Variants in GDAP1 observed in about 807,000 individuals in gnomAD.
GDAP1 encodes the protein ganglioside-induced differentiation-associated protein 1.
A neutral mutation model predicts 40.1 loss-of-function variants in GDAP1; 34 were observed. The ratio of observed to expected loss-of-function variants is 0.85; its 90% CI spans 0.64 to 1.13. The LOEUF (loss-of-function observed/expected upper bound fraction) is 1.13. GDAP1 is among the 50% of genes most tolerant of loss of function. The probability of loss-of-function intolerance (pLI) is 0.00; values close to 1 mark genes in which losing one functional copy is unlikely to be tolerated. For missense variants in GDAP1, 374 were observed against 433.7 expected (o/e 0.86, Z 1.22); for synonymous variants, 170 against 157.4 (o/e 1.08, Z -0.60).
intron 2 of GDAP1, among the ~76,000 whole-genome samples, chr8:74,428,864 C>G (rs758608619): frequency 7.0e-6 from 1 of 143,354 alleles, no homozygotes; most frequent in Admixed American, 7.0e-5. Flanking sequence ...CCCTCCCCGC[C>G]TCCCCCGACC....
intron 2 of GDAP1, among the ~76,000 whole-genome samples, chr8:74,401,491 G>C (rs2131549148): frequency 6.7e-6 from 1 of 149,718 alleles, no homozygotes; most frequent in South Asian, 2.1e-4. Context: ...CTTTGCCTTT[G>C]GTTTGAATTT....
intron 1 of GDAP1, 104 bp from the exon 2 acceptor site, chr8:74,351,170 G>T (rs1424953949): frequency 1.0e-5 from 9 of 876,224 alleles, no homozygotes; most frequent in Non-Finnish European, 1.8e-5. Context: ...TGTTGAAAAT[G>T]TCGGTAACAC....
intron 2 of GDAP1, among the ~76,000 whole-genome samples, chr8:74,432,541 C>T (rs1236115481): frequency 6.6e-6 from 1 of 152,138 alleles, no homozygotes. Flanking sequence ...ACGTTCCACT[C>T]TGCCTGTATC....
intron 2 of GDAP1, among the ~76,000 whole-genome samples, chr8:74,437,948 G>A (rs995388100): frequency 2.6e-5 from 4 of 152,130 alleles, no homozygotes; most frequent in African/African-American, 9.7e-5. Context: ...CCACATGTAT[G>A]AGAATTTCAC....
chr8:74,379,215 A>C (rs369742776), intron 2 of GDAP1, among the ~76,000 whole-genome samples: 7 of 150,756 alleles, frequency 4.6e-5, no homozygotes, highest in African/African-American at 1.7e-4. Flanking sequence ...TGGAACCCTC[A>C]TATGAATTTC....
chr8:74,447,129 G>A (rs767007640), intron 2 of GDAP1, among the ~76,000 whole-genome samples: 2 of 152,008 alleles, frequency 1.3e-5, no homozygotes, highest in South Asian at 2.1e-4. Flanking sequence ...GTGAATTCAG[G>A]TATAAATTAA....
exon 3 of GDAP1, chr8:74,488,812 C>T (rs180918693): frequency 3.2e-4 from 48 of 152,264 alleles, no homozygotes; most frequent in African/African-American, 9.6e-4. Context: ...GGGTTTATTT[C>T]AGCAAACCCA....
At chr8:74,396,844 G>A (rs1226530903) in intron 2 of GDAP1, among the ~76,000 whole-genome samples, 7 of 152,210 alleles carry the variant, frequency 4.6e-5, no homozygotes, top group Non-Finnish European at 1.0e-4. Flanking sequence ...ATAGCAGCAT[G>A]ATTTCTAGTC....
At chr8:74,378,319 A>G (rs925948599) in intron 2 of GDAP1, among the ~76,000 whole-genome samples, 3 of 152,182 alleles carry the variant, frequency 2.0e-5, no homozygotes, top group Non-Finnish European at 2.9e-5. Context: ...AGAGCATCCA[A>G]AATGGGAGAA....
At chr8:74,437,545 C>T (rs1043494064) in intron 2 of GDAP1, among the ~76,000 whole-genome samples, 1 of 152,064 alleles carries the variant, frequency 6.6e-6, no homozygotes, top group Non-Finnish European at 1.5e-5. Context: ...CATGCTCCTT[C>T]TCAATTTTAT....
chr8:74,458,917 C>T (rs1806368452), intron 2 of GDAP1, among the ~76,000 whole-genome samples: 2 of 152,222 alleles, frequency 1.3e-5, no homozygotes, highest in South Asian at 4.1e-4. Context: ...GCAGCACGCT[C>T]TTCACTGAGC....
At chr8:74,386,417 T>G (rs977399978) in intron 2 of GDAP1, among the ~76,000 whole-genome samples, 5 of 152,198 alleles carry the variant, frequency 3.3e-5, no homozygotes, top group Non-Finnish European at 7.3e-5. Flanking sequence ...GGCTAGCCTG[T>G]TTTCCCAACA....
chr8:74,356,659 AGTGTGTGTGTGTGTGTGT>A (rs144717682), intron 2 of GDAP1, among the ~76,000 whole-genome samples: 3 of 122,962 alleles, frequency 2.4e-5, no homozygotes, highest in Non-Finnish European at 3.3e-5. Context: ...AATATTATTT[AGTGTGTGTGTGTGTGTGT>A]GTGTGTGTGT....
At chr8:74,475,110 G>A (rs1806609764) in intron 2 of GDAP1, among the ~76,000 whole-genome samples, 1 of 151,986 alleles carries the variant, frequency 6.6e-6, no homozygotes, top group Non-Finnish European at 1.5e-5. Flanking sequence ...TATATCTGTG[G>A]GGTCAGTGGT....
chr8:74,416,486 C>A (rs192470539), intron 2 of GDAP1, among the ~76,000 whole-genome samples: 1 of 150,346 alleles, frequency 6.7e-6, no homozygotes, highest in Non-Finnish European at 1.5e-5. Flanking sequence ...GCCTGCAGCA[C>A]CCGGGCTAAC....
At chr8:74,362,785 T>TCTC (rs35698318) in intron 4 of GDAP1, among the ~76,000 whole-genome samples, 154 bp from the exon 5 acceptor site, 19 of 52,174 alleles carry the variant, frequency 3.6e-4, no homozygotes, top group Admixed American at 1.1e-3. Flanking sequence ...TCTCTCTCTC[T>TCTC]TTTTTTTTTT....
chr8:74,356,714 A>ATTTTTT (rs1453688558), intron 2 of GDAP1, among the ~76,000 whole-genome samples: 1 of 57,870 alleles, frequency 1.7e-5, no homozygotes, highest in African/African-American at 5.9e-5. Context: ...ATATATATAT[A>ATTTTTT]TATTTTTTTT....
chr8:74,476,572 T>C (rs1300019560), intron 2 of GDAP1, among the ~76,000 whole-genome samples: 1 of 152,184 alleles, frequency 6.6e-6, no homozygotes, highest in African/African-American at 2.4e-5. Context: ...AAAGCTGTGG[T>C]TGGAATTTCT....
intron 2 of GDAP1, among the ~76,000 whole-genome samples, chr8:74,468,775 A>G (rs1586844274): frequency 6.6e-6 from 1 of 152,076 alleles, no homozygotes; most frequent in East Asian, 1.9e-4. Context: ...TTCTTTCCTA[A>G]TTTTTATCTT....
Sources: gnomAD v4.1 joint callset for allele counts (sites outside exome capture counted in the v4.1 genomes callset) on GRCh38, gnomAD v4.1.1 for gene constraint, MANE v1.5 for transcripts, NCBI Gene and HGNC (gene_info 2026-07-23, HGNC 2026-07-21) for gene names.